Variants in UXS1 observed in about 807,000 individuals in gnomAD.
UXS1 encodes the protein UDP-glucuronic acid decarboxylase 1.
UXS1 carries 33 observed loss-of-function variants against 62.6 expected under a neutral mutation model. The observed-to-expected ratio is 0.53, with a 90% CI of 0.40 to 0.70. UXS1 has a LOEUF of 0.70. UXS1 is among the 30% of genes least tolerant of loss of function. UXS1 has a pLI of 0.00. For synonymous variants in UXS1, 213 were observed against 206.8 expected, an observed-to-expected ratio of 1.03 and a Z score of -0.26; for missense variants, 434 against 556.3, an observed-to-expected ratio of 0.78 and a Z score of 2.21.
At chr2:106,109,393 T>C (rs564375482) in intron 10 of UXS1, among the ~76,000 whole-genome samples, 2 of 152,210 alleles carry the variant, frequency 1.3e-5, no homozygotes, top group Non-Finnish European at 2.9e-5. Flanking sequence ...CTTAGAAGTA[T>C]GATTTTTCCA....
intron 12 of UXS1, 27 bp downstream of exon 12, chr2:106,101,031 G>T (rs776585300): frequency 6.2e-7 from 1 of 1,613,826 alleles, no homozygotes; most frequent in South Asian, 1.1e-5. Flanking sequence ...GAGCTGTCCT[G>T]CAGAGTGGAG....
intron 1 of UXS1, among the ~76,000 whole-genome samples, chr2:106,193,888 T>G (rs1037537585): frequency 6.6e-6 from 1 of 151,536 alleles, no homozygotes; most frequent in African/African-American, 2.4e-5. Context: ...GGCAGAGACC[T>G]GGGGCCGCCC....
intron 5 of UXS1, among the ~76,000 whole-genome samples, chr2:106,152,470 A>G (rs1358111508): frequency 1.9e-5 from 2 of 104,620 alleles, no homozygotes; most frequent in African/African-American, 7.3e-5. Flanking sequence ...GAAAGAAAAG[A>G]AAGGAAGGAA....
In UXS1 at chr2:106,128,741, T is replaced by C. The variant is rs375537702; in HGVS notation, c.577+933A>G. On this transcript the variant is annotated intron_variant, in intron 7 of 14. Coordinates refer to ENST00000283148, the MANE Select transcript of UXS1 (RefSeq NM_001253875.2). ...TTTCTCTAAATCTCTACACATCCTA[T>C]TGGTTCTGTTCTTCTGTAGAACCTT... Among the ~76,000 whole-genome samples, 5 of 152,350 alleles carry C rather than the reference T, an allele frequency of 3.3e-5. No individual in the cohort carries two copies. The East Asian group carries it at 9.6e-4, about 29-fold the overall frequency.
At chr2:106,137,580 G>C (rs973327036) in intron 6 of UXS1, among the ~76,000 whole-genome samples, 1 of 151,966 alleles carries the variant, frequency 6.6e-6, no homozygotes, top group Non-Finnish European at 1.5e-5. Flanking sequence ...CCTGAGGTCA[G>C]GAGTTCGAAT....
chr2:106,104,667 TAATC>T, intron 11 of UXS1, 123 bp downstream of exon 11: 2 of 1,156,310 alleles, frequency 1.7e-6, no homozygotes, highest in East Asian at 5.0e-5. Flanking sequence ...TAAAAATTTT[TAATC>T]AATATATAGT....
intron 7 of UXS1, among the ~76,000 whole-genome samples, chr2:106,126,740 T>G (rs1407634411): frequency 6.6e-6 from 1 of 152,022 alleles, no homozygotes; most frequent in Non-Finnish European, 1.5e-5. Context: ...TTACCCAGAT[T>G]CCCCCAATGC....
chr2:106,188,570 G>T (rs1329554481), intron 1 of UXS1, among the ~76,000 whole-genome samples: 2 of 152,228 alleles, frequency 1.3e-5, no homozygotes, highest in African/African-American at 4.8e-5. Flanking sequence ...GGACAATCAG[G>T]TTACTGATTA....
chr2:106,126,617 A>C (rs1679976642), intron 7 of UXS1, among the ~76,000 whole-genome samples: 1 of 152,150 alleles, frequency 6.6e-6, no homozygotes, highest in South Asian at 2.1e-4. Flanking sequence ...CAGACAATGT[A>C]GTAGCTTCAA....
chr2:106,100,242 G>A (rs1301546924), intron 12 of UXS1, among the ~76,000 whole-genome samples: 1 of 152,176 alleles, frequency 6.6e-6, no homozygotes, highest in African/African-American at 2.4e-5. Context: ...TTTTAAATGA[G>A]ATGGAACAAA....
rs371931708 is a variant in UXS1, at chr2:106,163,664, T to C, written c.230+3A>G. On this transcript the variant is annotated splice_donor_region_variant and intron_variant, in intron 4 of 14. Transcript: ENST00000283148. ...TTGACTTTAAGACAAAAAGTACACA[T>C]ACCTTTTTTCTAAATCTCTGATTTT... 1.4e-5 allele frequency: 21 copies of C among 1,467,174 alleles called. No homozygotes were observed. In the African/African-American group the frequency reaches 2.3e-4, roughly 16 times the overall value. 90.9% of individuals were successfully genotyped at this position (1,467,174 alleles called of 1,614,324 possible).
In UXS1 at chr2:106,158,050, A is replaced by T. The variant is rs1682586499; in HGVS notation, c.291+8T>A. 1.3e-6 allele frequency: 2 copies of T among 1,558,838 alleles called. No homozygotes were observed. Among genetic ancestry groups the T allele is most frequent in the African/African-American group, 1.4e-5 (1 of 73,502 alleles). ...TATTACAAATACTATTCAGGTGTGC[A>T]AACTTACCAAAATTCTTTTCCGATC... On this transcript the variant is annotated splice_region_variant and intron_variant, in intron 5 of 14. Coordinates refer to ENST00000283148, the MANE Select transcript of UXS1 (RefSeq NM_001253875.2).
At position 106,187,027 on chromosome 2, in the gene UXS1, C is replaced by A. The variant is rs1285105894; in HGVS notation, c.94+7121G>T. Among the ~76,000 whole-genome samples the A allele has an allele frequency of 2.0e-5, 3 of 151,500 alleles. 1 individual carries two copies. The highest frequency in any genetic ancestry group is 7.3e-5 in the African/African-American group (3 of 41,174). On this transcript the variant is annotated intron_variant, in intron 1 of 14. Transcript: ENST00000283148. Reference sequence around the variant, plus strand: ...AAGGTGAAGTACTGTTACGTCTGCACCTTTCAAATATTTCAACAAAAAAAG... The same window carrying A: ...AAGGTGAAGTACTGTTACGTCTGCAACTTTCAAATATTTCAACAAAAAAAG...
intron 7 of UXS1, among the ~76,000 whole-genome samples, chr2:106,127,436 C>T (rs1308195050): frequency 1.3e-5 from 2 of 152,146 alleles, no homozygotes; most frequent in African/African-American, 4.8e-5. Flanking sequence ...TGTTATATTT[C>T]AAAAACAACT....
At chr2:106,140,206 C>T (rs572450875) in intron 6 of UXS1, among the ~76,000 whole-genome samples, 68 of 152,290 alleles carry the variant, frequency 4.5e-4, no homozygotes, top group Non-Finnish European at 8.4e-4. Context: ...TGGGGTTGCC[C>T]GCCAGTGCTG....
intron 12 of UXS1, 34 bp from the exon 13 acceptor site, chr2:106,098,807 A>C (rs1412242372): frequency 6.3e-7 from 1 of 1,594,782 alleles, no homozygotes; most frequent in African/African-American, 1.3e-5. Context: ...TATAAGCGTC[A>C]TGACAACAGC....
At chr2:106,139,728 C>T (rs924099418) in intron 6 of UXS1, among the ~76,000 whole-genome samples, 12 of 152,316 alleles carry the variant, frequency 7.9e-5, no homozygotes, top group Admixed American at 2.0e-4. Flanking sequence ...TGTCAAGCCT[C>T]ATTCTGTGCC....
At chr2:106,180,640 G>C (rs984969761) in intron 1 of UXS1, among the ~76,000 whole-genome samples, 4 of 152,184 alleles carry the variant, frequency 2.6e-5, no homozygotes, top group African/African-American at 9.7e-5. Flanking sequence ...TTTCACTCGA[G>C]GTTCTAGTCC....
chr2:106,167,087 C>A (rs907833436), intron 1 of UXS1, among the ~76,000 whole-genome samples: 1 of 152,166 alleles, frequency 6.6e-6, no homozygotes, highest in Non-Finnish European at 1.5e-5. Context: ...CTCTCCTTTG[C>A]CTGTATACAG....
Sources: gnomAD v4.1 joint callset for allele counts (sites outside exome capture counted in the v4.1 genomes callset) on GRCh38, gnomAD v4.1.1 for gene constraint, MANE v1.5 for transcripts, NCBI Gene and HGNC (gene_info 2026-07-23, HGNC 2026-07-21) for gene names.